RAP1GAP2: variants seen among roughly 807,000 people sequenced by gnomAD.
RAP1GAP2 encodes RAP1 GTPase activating protein 2.
In RAP1GAP2, 27 loss-of-function variants were observed where a neutral mutation model predicts 95.0. The ratio of observed to expected loss-of-function variants is 0.28; its 90% CI spans 0.21 to 0.39. The LOEUF is 0.39. RAP1GAP2 is among the 10% of genes least tolerant of loss of function. The pLI is 1.00. For missense variants in RAP1GAP2, 771 were observed against 970.0 expected (o/e 0.79, Z 2.72); for synonymous variants, 373 against 380.9 (o/e 0.98, Z 0.24).
At chr17:2,882,583 C>T (rs1042622662) in intron 2 of RAP1GAP2, among the ~76,000 whole-genome samples, 11 of 152,160 alleles carry the variant, frequency 7.2e-5, no homozygotes, top group African/African-American at 2.7e-4. Context: ...CGCCACCACG[C>T]CTGGCTAATT....
In RAP1GAP2 at chr17:2,980,375, C is replaced by T. The variant is rs2045313568; in HGVS notation, c.675+10C>T. On this transcript the variant is annotated intron_variant, in intron 9 of 24. Transcript: ENST00000254695. ...CCCTCAGATTGCAAAGGTGAGAAAC[C>T]AACCCGTGAGAGATGGTGGCTTCCT... 1 of 1,613,328 alleles carries T rather than the reference C, an allele frequency of 6.2e-7. No homozygotes were observed. The highest frequency in any genetic ancestry group is 8.5e-7 in the Non-Finnish European group (1 of 1,179,366).
rs928586443 is a variant in RAP1GAP2 at position 2,870,690 on chromosome 17, C to G, written c.81-34594C>G. Among the ~76,000 whole-genome samples, 1 of 152,120 alleles carries G rather than the reference C, an allele frequency of 6.6e-6. No individual in the cohort carries two copies. The highest frequency in any genetic ancestry group is 1.5e-5 in the Non-Finnish European group (1 of 68,038). ...GCGGGATTATACTTTAGGTACAGTA[C>G]ATTAGTCAAGACCCTTGGTGGCAAG... On this transcript the variant is annotated intron_variant, in intron 2 of 24. Coordinates refer to ENST00000254695, the MANE Select transcript of RAP1GAP2 (RefSeq NM_015085.5). The surrounding 1 kb of genome is among the most constrained non-coding windows in gnomAD (Gnocchi z 4.4).
At chr17:3,032,858 C>G (rs530988664) in intron 24 of RAP1GAP2, among the ~76,000 whole-genome samples, 7 of 152,306 alleles carry the variant, frequency 4.6e-5, no homozygotes, top group African/African-American at 1.7e-4. Flanking sequence ...TTCTCCCTCC[C>G]TGTCGGGAGT....
rs578205812 is a variant in RAP1GAP2 at position 2,857,345 on chromosome 17, G to T, written c.81-47939G>T. On this transcript the variant is annotated intron_variant, in intron 2 of 24. Transcript: ENST00000254695. This position sits in a 1 kb window ranked among gnomAD's most constrained non-coding sequence, Gnocchi z 4.0. ...GAAATATTGCGTATTAGGGGACAGGGAGGTGTGCCAGCCAGGGTAGTCATG... is the reference window on the plus strand; with the variant it reads ...GAAATATTGCGTATTAGGGGACAGGTAGGTGTGCCAGCCAGGGTAGTCATG... 6.6e-6 allele frequency among the ~76,000 whole-genome samples: 1 copy of T among 152,316 alleles called. No homozygotes were observed.
chr17:2,931,406 G>A (rs1360432898), intron 3 of RAP1GAP2, among the ~76,000 whole-genome samples: 1 of 152,054 alleles, frequency 6.6e-6, no homozygotes, highest in African/African-American at 2.4e-5. Context: ...GGGACGCCAC[G>A]TTGGTGTGAA....
chr17:2,765,309 G>A (rs2068252299), intron 1 of RAP1GAP2, among the ~76,000 whole-genome samples: 1 of 152,122 alleles, frequency 6.6e-6, no homozygotes, highest in South Asian at 2.1e-4. Flanking sequence ...CACTTCCTTA[G>A]CACATTCTCA....
chr17:2,882,956 A>G (rs2073362386), intron 2 of RAP1GAP2, among the ~76,000 whole-genome samples: 1 of 152,192 alleles, frequency 6.6e-6, no homozygotes, highest in South Asian at 2.1e-4. Flanking sequence ...AAGAAATGGG[A>G]ACCTGGAAGT....
chr17:2,768,490 C>T (rs1383495396), intron 1 of RAP1GAP2, among the ~76,000 whole-genome samples: 1 of 151,730 alleles, frequency 6.6e-6, no homozygotes, highest in Non-Finnish European at 1.5e-5. Context: ...TCAGCAGTTC[C>T]AGACCAGCCT....
intron 1 of RAP1GAP2, among the ~76,000 whole-genome samples, chr17:2,765,796 CT>C (rs1254162937): frequency 6.6e-6 from 1 of 151,336 alleles, no homozygotes; most frequent in Non-Finnish European, 1.5e-5. Flanking sequence ...GTGAAACCCC[CT>C]CTCTACTAAA....
intron 3 of RAP1GAP2, among the ~76,000 whole-genome samples, chr17:2,916,015 T>G (rs1170523279): frequency 6.6e-6 from 1 of 152,218 alleles, no homozygotes; most frequent in Non-Finnish European, 1.5e-5. Context: ...CTTTATTGTT[T>G]TAGCTCTAGG....
intron 2 of RAP1GAP2, among the ~76,000 whole-genome samples, chr17:2,824,675 G>C (rs1409802427): frequency 1.3e-5 from 2 of 150,604 alleles, no homozygotes; most frequent in Admixed American, 6.6e-5. Flanking sequence ...GGGAGGCGGA[G>C]GTTGCAGTGA....
upstream of RAP1GAP2, among the ~76,000 whole-genome samples, chr17:2,772,745 C>G (rs896091838): frequency 5.3e-5 from 8 of 151,970 alleles, no homozygotes; most frequent in African/African-American, 1.5e-4. Context: ...TAAGTTACAG[C>G]TAGTAAGTGG....
At chr17:2,888,626 G>A (rs1384439729) in intron 2 of RAP1GAP2, among the ~76,000 whole-genome samples, 4 of 150,492 alleles carry the variant, frequency 2.7e-5, no homozygotes, top group African/African-American at 9.8e-5. Flanking sequence ...GGATAGTATC[G>A]TGCATATATA....
intron 3 of RAP1GAP2, among the ~76,000 whole-genome samples, chr17:2,912,848 C>T (rs895423419): frequency 2.0e-5 from 3 of 152,116 alleles, no homozygotes; most frequent in Non-Finnish European, 4.4e-5. Context: ...TATTTGGCTA[C>T]TGAGGGTGAG....
Position 2,828,984 on chromosome 17 carries a change from C to CTTTTTTTTTTTTTTTTTTTTTTTTT in RAP1GAP2, c.80+28453_80+28454insTTTTTTTTTTTTTTTTTTTTTTTTT. Among the ~76,000 whole-genome samples the CTTTTTTTTTTTTTTTTTTTTTTTTT allele has an allele frequency of 2.5e-5, 2 of 80,824 alleles. 1 individual carries two copies. Among genetic ancestry groups the CTTTTTTTTTTTTTTTTTTTTTTTTT allele is most frequent in the Non-Finnish European group, 4.5e-5 (2 of 44,616 alleles). The allele number at this position is 80,824 out of a possible 152,430, so 53.0% of individuals were successfully genotyped here. ...TCCTGTCTCAAAGATTAATTACTTGCTTTTTTTTTTTTTTTTTTTGGGAAA... is the reference window on the plus strand; with the variant it reads ...TCCTGTCTCAAAGATTAATTACTTGCTTTTTTTTTTTTTTTTTTTTTTTTTTTTTTTTTTTTTTTTTTTTGGGAAA... On this transcript the variant is annotated intron_variant, in intron 2 of 24. Coordinates refer to ENST00000254695, the MANE Select transcript of RAP1GAP2 (RefSeq NM_015085.5).
intron 8 of RAP1GAP2, among the ~76,000 whole-genome samples, chr17:2,968,606 G>A (rs1799458712): frequency 6.6e-6 from 1 of 152,004 alleles, no homozygotes; most frequent in South Asian, 2.1e-4. Flanking sequence ...ATTCCAAATA[G>A]TAAGAGAAGA....
chr17:2,793,035 G>A (rs1418924649), upstream of RAP1GAP2, among the ~76,000 whole-genome samples: 1 of 152,110 alleles, frequency 6.6e-6, no homozygotes, highest in African/African-American at 2.4e-5. Context: ...GCCCAAGTGT[G>A]ATGTGACTAT....
chr17:2,875,728 G>T (rs1299160082), intron 2 of RAP1GAP2, among the ~76,000 whole-genome samples: 1 of 151,982 alleles, frequency 6.6e-6, no homozygotes, highest in Admixed American at 6.6e-5. Flanking sequence ...CCGCCTGTCT[G>T]TCTCATCCTC....
chr17:2,996,610 C>A (rs2045967988), intron 13 of RAP1GAP2, among the ~76,000 whole-genome samples: 1 of 152,216 alleles, frequency 6.6e-6, no homozygotes, highest in Non-Finnish European at 1.5e-5. Flanking sequence ...CCTTTCACCT[C>A]CAGCCCCTCT....
Sources: allele counts gnomAD v4.1 joint callset (sites outside exome capture counted in the v4.1 genomes callset), GRCh38; gene constraint gnomAD v4.1.1; non-coding constraint Gnocchi (gnomAD v3.1); transcripts MANE v1.5; gene names NCBI Gene and HGNC (gene_info 2026-07-23, HGNC 2026-07-21).